The following BICC1 variants were observed in gnomAD, a reference collection of about 807,000 sequenced individuals.
BICC1 encodes protein bicaudal C homolog 1.
Under a neutral mutation model 111.0 loss-of-function variants are expected in BICC1, and 43 were observed. The observed-to-expected ratio is 0.39, with a 90% CI of 0.30 to 0.50. The LOEUF (loss-of-function observed/expected upper bound fraction) is 0.50, where lower values mean the gene tolerates loss of function less well. Among genes scored for constraint, BICC1 ranks in the 20% least tolerant of loss-of-function variants. The pLI is 0.88. For synonymous variants in BICC1, 467 were observed against 434.4 expected, an observed-to-expected ratio of 1.07 and a Z score of -0.93; for missense variants, 1,091 against 1,203.2, an observed-to-expected ratio of 0.91 and a Z score of 1.38.
chr10:58,745,607 C>CCA (rs1368765142), intron 3 of BICC1, among the ~76,000 whole-genome samples: 3 of 128,104 alleles, frequency 2.3e-5, no homozygotes, highest in Non-Finnish European at 3.3e-5. Flanking sequence ...CCACCGCCCC[C>CCA]CCCCCACATT....
intron 1 of BICC1, among the ~76,000 whole-genome samples, chr10:58,591,631 G>A (rs1048307217): frequency 2.0e-5 from 3 of 152,202 alleles, no homozygotes; most frequent in African/African-American, 7.2e-5. Context: ...AATTTTGGGA[G>A]ATACAGGCAT....
At chr10:58,804,006 G>T (rs912593923) in intron 15 of BICC1, among the ~76,000 whole-genome samples, 1 of 152,138 alleles carries the variant, frequency 6.6e-6, no homozygotes, top group Admixed American at 6.5e-5. Flanking sequence ...GAGGAAGAAC[G>T]TTCCACAAAA....
At chr10:58,723,518 C>A (rs1841003640) in intron 3 of BICC1, among the ~76,000 whole-genome samples, 2 of 152,214 alleles carry the variant, frequency 1.3e-5, no homozygotes, top group Non-Finnish European at 2.9e-5. Flanking sequence ...GTGGAGAAAG[C>A]AGAGAGGGGT....
intron 2 of BICC1, among the ~76,000 whole-genome samples, chr10:58,690,516 C>CTT (rs1839878783): frequency 6.6e-6 from 1 of 152,174 alleles, no homozygotes; most frequent in African/African-American, 2.4e-5. Flanking sequence ...GAGAAATGAA[C>CTT]TTTTGTTCTG....
At position 58,811,372 on chromosome 10, in the gene BICC1, G is replaced by A. The variant is rs115567039; in HGVS notation, c.2377-2458G>A. Among the ~76,000 whole-genome samples, 882 of 152,274 alleles carry A rather than the reference G, an allele frequency of 5.8e-3. 9 individuals carry two copies. The highest frequency in any genetic ancestry group is 0.018 in the African/African-American group (728 of 41,564). On this transcript the variant is annotated intron_variant, in intron 17 of 20. Coordinates refer to ENST00000373886, the MANE Select transcript of BICC1 (RefSeq NM_001080512.3). ...AAACTTCCCTAGCACTGATAGTAAC[G>A]AGGTTGTCTGATTATTTTAAATCTT...
At chr10:58,536,278 CT>C (rs1333251826) in intron 1 of BICC1, among the ~76,000 whole-genome samples, 1 of 151,726 alleles carries the variant, frequency 6.6e-6, no homozygotes, top group Non-Finnish European at 1.5e-5. Flanking sequence ...AATATACATT[CT>C]TCTTATCAGC....
At chr10:58,699,069 G>GT (rs1438482739) in intron 2 of BICC1, among the ~76,000 whole-genome samples, 1 of 152,212 alleles carries the variant, frequency 6.6e-6, no homozygotes, top group African/African-American at 2.4e-5. Context: ...TTTTTTTCTA[G>GT]TCATATAGGA....
intron 1 of BICC1, among the ~76,000 whole-genome samples, chr10:58,556,880 G>A (rs1843463302): frequency 6.6e-6 from 1 of 151,970 alleles, no homozygotes; most frequent in Non-Finnish European, 1.5e-5. Context: ...TTATTCTAGT[G>A]TAACATCTTT....
intron 2 of BICC1, among the ~76,000 whole-genome samples, chr10:58,675,270 T>A (rs578010585): frequency 2.6e-5 from 4 of 152,246 alleles, no homozygotes; most frequent in African/African-American, 9.6e-5. Context: ...ATAGGATGCA[T>A]TTAGCCTCAA....
At chr10:58,630,713 G>A (rs1311055752) in intron 2 of BICC1, among the ~76,000 whole-genome samples, 2 of 152,240 alleles carry the variant, frequency 1.3e-5, no homozygotes, top group East Asian at 3.9e-4. Flanking sequence ...TCAGTTAACT[G>A]GGATAATTGC....
chr10:58,661,721 G>A (rs1003273187), intron 2 of BICC1, among the ~76,000 whole-genome samples: 2 of 152,114 alleles, frequency 1.3e-5, no homozygotes, highest in African/African-American at 4.8e-5. Flanking sequence ...TTGCATAGTG[G>A]AAATAGCTGA....
intron 1 of BICC1, among the ~76,000 whole-genome samples, chr10:58,587,490 C>T (rs754198684): frequency 5.3e-5 from 8 of 152,134 alleles, no homozygotes; most frequent in Non-Finnish European, 7.3e-5. Context: ...AAATCTTTAG[C>T]ATAATAAAGC....
Position 58,828,726 on chromosome 10 carries a change from T to C in BICC1, c.2795-35T>C, listed in dbSNP as rs202234606. The C allele has an allele frequency of 1.8e-5, 29 of 1,606,676 alleles. 1 individual carries two copies. The Middle Eastern group carries it at 5.0e-4, about 28-fold the overall frequency. On this transcript the variant is annotated intron_variant, in intron 20 of 20. Transcript: ENST00000373886. ...TCCTGTAGTATACATAGAACTTCTC[T>C]TGAGCTCCTAACAATTCTCTCTTTC...
intron 3 of BICC1, among the ~76,000 whole-genome samples, chr10:58,752,827 C>CA (rs1842028213): frequency 1.3e-5 from 2 of 152,288 alleles, no homozygotes; most frequent in East Asian, 3.9e-4. Flanking sequence ...CTTCCAAGAG[C>CA]AAAGGTGAAT....
intron 1 of BICC1, among the ~76,000 whole-genome samples, chr10:58,583,382 C>T (rs894747038): frequency 2.0e-5 from 3 of 151,608 alleles, no homozygotes; most frequent in Admixed American, 6.6e-5. Context: ...CCCTTCCCCT[C>T]GAGTCCCCAA....
intron 1 of BICC1, among the ~76,000 whole-genome samples, chr10:58,518,384 G>A (rs924556054): frequency 6.6e-6 from 1 of 152,044 alleles, no homozygotes; most frequent in Non-Finnish European, 1.5e-5. Flanking sequence ...ACTTTACGGT[G>A]ATATTGTGAA....
intron 3 of BICC1, among the ~76,000 whole-genome samples, chr10:58,725,413 T>C (rs1841074379): frequency 6.6e-6 from 1 of 152,164 alleles, no homozygotes; most frequent in African/African-American, 2.4e-5. Context: ...TCTACCTCTG[T>C]CTTGACTGTG....
At chr10:58,547,151 A>G (rs1349122738) in intron 1 of BICC1, among the ~76,000 whole-genome samples, 1 of 152,084 alleles carries the variant, frequency 6.6e-6, no homozygotes, top group Non-Finnish European at 1.5e-5. Flanking sequence ...ATTGTTATGA[A>G]CTACAGTCCA....
At chr10:58,763,448 A>T (rs966969952) in intron 3 of BICC1, among the ~76,000 whole-genome samples, 1 of 152,162 alleles carries the variant, frequency 6.6e-6, no homozygotes, top group Non-Finnish European at 1.5e-5. Context: ...ATTTTGAGGT[A>T]CAAGTGGACT....
Sources: gnomAD v4.1 joint callset for allele counts (sites outside exome capture counted in the v4.1 genomes callset) on GRCh38, gnomAD v4.1.1 for gene constraint, MANE v1.5 for transcripts, NCBI Gene and HGNC (gene_info 2026-07-23, HGNC 2026-07-21) for gene names.